Variants in TRIM42 observed in about 807,000 individuals in gnomAD.
TRIM42 encodes tripartite motif-containing protein 42.
Under a neutral mutation model 64.9 loss-of-function variants are expected in TRIM42, and 59 were observed. The ratio of observed to expected loss-of-function variants is 0.91; its 90% confidence interval spans 0.74 to 1.13. The LOEUF (loss-of-function observed/expected upper bound fraction) is 1.13. Among genes scored for constraint, TRIM42 ranks in the 50% most tolerant of loss-of-function variants. The pLI is 0.00. For synonymous variants in TRIM42, 354 were observed against 346.3 expected (o/e 1.02, Z -0.25); for missense variants, 878 against 929.5 (o/e 0.94, Z 0.72).
At chr3:140,680,961 T>A (rs1308483212) in intron 1 of TRIM42, among the ~76,000 whole-genome samples, 3 of 152,230 alleles carry the variant, frequency 2.0e-5, no homozygotes, top group Non-Finnish European at 4.4e-5. Flanking sequence ...ATGTCGAGAT[T>A]AGTATCCAAA....
chr3:140,684,898 T>C (rs893574051), intron 2 of TRIM42, among the ~76,000 whole-genome samples: 1 of 152,114 alleles, frequency 6.6e-6, no homozygotes, highest in African/African-American at 2.4e-5. Context: ...AACCTCGTCC[T>C]TAATACAGGA....
chr3:140,680,203 A>T lies in TRIM42; in HGVS notation c.341+1633A>T, dbSNP rs770023208. Among the ~76,000 whole-genome samples, 5 of 152,018 alleles carry T rather than the reference A, an allele frequency of 3.3e-5. No homozygotes were observed. In the East Asian group the frequency reaches 9.7e-4, roughly 30 times the overall value. On this transcript the variant is annotated intron_variant, in intron 1 of 4. Transcript: ENST00000286349. ...CGTCCAAGCCTGAGGCTTTTGGAGG[A>T]TGGGCAGGGATGCTACCACAAGTGT...
rs1988276247 is a variant in TRIM42 at position 140,678,724 on chromosome 3, T to C, written c.341+154T>C. Among the ~76,000 whole-genome samples, 3 of 152,186 alleles carry C rather than the reference T, an allele frequency of 2.0e-5. No individual in the cohort carries two copies. In the South Asian group the frequency reaches 6.2e-4, roughly 32 times the overall value. The stretch of plus-strand genomic sequence containing the variant: ...AAGAATTTTGTAGCAATTAATTGTA[T>C]CCTAAATGGTCACTATGTATGTAGA... On this transcript the variant is annotated intron_variant, in intron 1 of 4. Transcript: ENST00000286349.
chr3:140,686,900 C>T (rs984537208), intron 2 of TRIM42, among the ~76,000 whole-genome samples: 3 of 152,192 alleles, frequency 2.0e-5, no homozygotes, highest in Non-Finnish European at 2.9e-5. Flanking sequence ...CCTGCCATAG[C>T]ATCCTTAAAC....
intron 1 of TRIM42, among the ~76,000 whole-genome samples, chr3:140,681,954 A>G (rs1021723902): frequency 6.6e-6 from 1 of 151,404 alleles, no homozygotes; most frequent in Non-Finnish European, 1.5e-5. Context: ...TGTGATTTAG[A>G]CAACGTTCTT....
rs751731785 is a variant in TRIM42, at chr3:140,687,835, A to G, written c.1153A>G (p.Ser385Gly). 3.7e-6 allele frequency: 6 copies of G among 1,614,138 alleles called. No individual in the cohort carries two copies. The highest frequency in any genetic ancestry group is 5.1e-6 in the Non-Finnish European group (6 of 1,180,046). ...EIRNGFLKLR[S>G]ILQEKEKIIM... ...CAGAAATGGCTTTCTCAAGTTGCGC[A>G]GCATTCTTCAGGAGAAAGAGAAGAT... is the stretch of plus-strand genomic sequence containing the variant. Residue 385 changes from serine to glycine, a missense_variant, in exon 3 of 5, where the codon AGC becomes GGC. Coordinates refer to ENST00000286349, the MANE Select transcript of TRIM42 (RefSeq NM_152616.5).
intron 1 of TRIM42, among the ~76,000 whole-genome samples, chr3:140,680,049 A>G (rs1407154577): frequency 6.6e-6 from 1 of 152,002 alleles, no homozygotes; most frequent in African/African-American, 2.4e-5. Context: ...ATCCAGGTGC[A>G]AGAACAGGCC....
intron 1 of TRIM42, among the ~76,000 whole-genome samples, chr3:140,682,010 C>T (rs191026124): frequency 2.6e-5 from 4 of 152,048 alleles, no homozygotes; most frequent in African/African-American, 9.6e-5. Context: ...TGCTTTGATC[C>T]ATCAAAGTCA....
chr3:140,695,416 G>C (rs1214413224), intron 4 of TRIM42, among the ~76,000 whole-genome samples: 1 of 152,116 alleles, frequency 6.6e-6, no homozygotes, highest in Non-Finnish European at 1.5e-5. Flanking sequence ...CAGACTTGGA[G>C]GTAAAAATTC....
chr3:140,686,897 T>C (rs751742499), intron 2 of TRIM42, among the ~76,000 whole-genome samples: 1 of 152,218 alleles, frequency 6.6e-6, no homozygotes, highest in Non-Finnish European at 1.5e-5. Flanking sequence ...TACCCTGCCA[T>C]AGCATCCTTA....
rs1439612516 is a variant in TRIM42, at chr3:140,678,734, T to C, written c.341+164T>C. 2.8e-4 allele frequency among the ~76,000 whole-genome samples: 42 copies of C among 152,208 alleles called. 2 individuals carry two copies. The highest frequency in any genetic ancestry group is 2.7e-3 in the Admixed American group (41 of 15,280). ...TAGCAATTAATTGTATCCTAAATGGTCACTATGTATGTAGACCATGAGCTC... is the reference window on the plus strand; with the variant it reads ...TAGCAATTAATTGTATCCTAAATGGCCACTATGTATGTAGACCATGAGCTC... On this transcript the variant is annotated intron_variant, in intron 1 of 4. Transcript: ENST00000286349.
intron 4 of TRIM42, among the ~76,000 whole-genome samples, chr3:140,695,139 T>C (rs1336316921): frequency 6.6e-6 from 1 of 151,978 alleles, no homozygotes. Flanking sequence ...TCCCAGCTAC[T>C]TGGGAGGCTG....
Position 140,678,092 on chromosome 3 carries a change from C to G in TRIM42, c.-138C>G. 1 of 769,142 alleles carries G rather than the reference C, an allele frequency of 1.3e-6. No homozygotes were observed. Among genetic ancestry groups the G allele is most frequent in the Non-Finnish European group, 2.2e-6 (1 of 455,822 alleles). The allele number at this position is 769,142 out of a possible 1,614,324, so 47.6% of individuals were successfully genotyped here. A position where few individuals can be genotyped will look rare whatever the true frequency, so the allele number is the denominator to read the frequency against. ...GACACCAGCTGTGAAGTCCTCATAA[C>G]AGCCAACTTCTTGCAACTTTCAAGC... On this transcript the variant is annotated 5_prime_UTR_variant, in exon 1 of 5. Coordinates refer to ENST00000286349, the MANE Select transcript of TRIM42 (RefSeq NM_152616.5).
At chr3:140,697,809 T>G (rs926355322) in intron 4 of TRIM42, among the ~76,000 whole-genome samples, 13 of 152,114 alleles carry the variant, frequency 8.5e-5, no homozygotes, top group East Asian at 3.9e-4. Context: ...TCAGCCTCCC[T>G]AGTAGCTGGG....
chr3:140,686,907 A>G (rs1988558543), intron 2 of TRIM42, among the ~76,000 whole-genome samples: 1 of 152,206 alleles, frequency 6.6e-6, no homozygotes, highest in Non-Finnish European at 1.5e-5. Flanking sequence ...TAGCATCCTT[A>G]AACTGTAGTA....
intron 3 of TRIM42, among the ~76,000 whole-genome samples, 155 bp from the exon 4 acceptor site, chr3:140,690,813 A>G (rs1015621613): frequency 6.6e-6 from 1 of 151,844 alleles, no homozygotes; most frequent in Non-Finnish European, 1.5e-5. Context: ...GTCTTCCAAG[A>G]CTTGTGCATG....
intron 4 of TRIM42, among the ~76,000 whole-genome samples, chr3:140,700,597 G>A (rs966020869): frequency 5.9e-5 from 9 of 152,134 alleles, no homozygotes; most frequent in African/African-American, 9.7e-5. Flanking sequence ...GCTCACCTGC[G>A]GTCCAGCCCC....
rs1478377400 is a variant in TRIM42 at position 140,682,858 on chromosome 3, C to T, written c.738C>T (p.Ile246=). ...GCCAGGTCTGCCGCAACAAGCGCATCGCTTACAAGCGCTGCATCACCTGCC... is the reference window on the plus strand; with the variant it reads ...GCCAGGTCTGCCGCAACAAGCGCATTGCTTACAAGCGCTGCATCACCTGCC... The part of the protein sequence containing the change: ...ILCQVCRNKR[I]AYKRCITCRL... The change falls in exon 2 of 5, where the codon ATC becomes ATT. Residue 246 remains isoleucine, a synonymous_variant. Coordinates refer to ENST00000286349, the MANE Select transcript of TRIM42 (RefSeq NM_152616.5). The T allele has an allele frequency of 1.9e-6, 3 of 1,614,062 alleles. No individual in the cohort carries two copies. Among genetic ancestry groups the T allele is most frequent in the Non-Finnish European group, 2.5e-6 (3 of 1,180,014 alleles).
In TRIM42 at chr3:140,688,183, G is replaced by A; in HGVS notation, c.1501G>A (p.Gly501Arg). Residue 501 changes from glycine (G) to arginine (R), a missense_variant, in exon 3 of 5, where the codon GGG becomes AGG. Coordinates refer to ENST00000286349, the MANE Select transcript of TRIM42 (RefSeq NM_152616.5). ...AGGGCCCAAGAAGGTACGCTCCTCA[G>A]GGGACTCCCTGCCCTCCCCCTACCC... ...PTGPKKVRSS[G>R]DSLPSPYPVH... 6.2e-7 allele frequency: 1 copy of A among 1,614,144 alleles called. No individual in the cohort carries two copies. The highest frequency in any genetic ancestry group is 8.5e-7 in the Non-Finnish European group (1 of 1,180,028).
Sources: gnomAD v4.1 joint callset for allele counts (sites outside exome capture counted in the v4.1 genomes callset) on GRCh38, gnomAD v4.1.1 for gene constraint, MANE v1.5 for transcripts, NCBI Gene and HGNC (gene_info 2026-07-23, HGNC 2026-07-21) for gene names.